Variants in THSD7B observed in about 807,000 individuals in gnomAD.
THSD7B encodes the protein thrombospondin type-1 domain-containing protein 7B.
In THSD7B, 138 loss-of-function variants were observed where a neutral mutation model predicts 213.6. The ratio of observed to expected loss-of-function variants is 0.65; its 90% CI spans 0.56 to 0.74. The LOEUF (loss-of-function observed/expected upper bound fraction) is 0.74, where lower values mean the gene tolerates loss of function less well. Ranked by LOEUF, THSD7B falls within the 30% of genes least tolerant of loss-of-function variation. THSD7B has a pLI of 0.00. For synonymous variants in THSD7B, 742 were observed against 687.0 expected (o/e 1.08, Z -1.25); for missense variants, 1,931 against 1,991.5 (o/e 0.97, Z 0.58).
chr2:137,074,336 G>A (rs1372284258), intron 3 of THSD7B, among the ~76,000 whole-genome samples: 2 of 152,086 alleles, frequency 1.3e-5, no homozygotes, highest in East Asian at 1.9e-4. Context: ...TTACCATTAT[G>A]TAATGGCCTT....
At chr2:137,178,693 T>A (rs1207213959) in intron 7 of THSD7B, among the ~76,000 whole-genome samples, 1 of 152,198 alleles carries the variant, frequency 6.6e-6, no homozygotes, top group Non-Finnish European at 1.5e-5. Flanking sequence ...TGGGAGTAGA[T>A]GTAAACTGGT....
At position 137,661,457 on chromosome 2, in the gene THSD7B, C is replaced by T. The variant is rs560339874; in HGVS notation, c.4458+1711C>T. On this transcript the variant is annotated intron_variant, in intron 25 of 27. Coordinates refer to ENST00000409968, the MANE Select transcript of THSD7B (RefSeq NM_001316349.2). The stretch of plus-strand genomic sequence containing the variant: ...CTTTTATCTCCCATGTAAGGCTGCC[C>T]TCCTTGAGTGCAGAAGTAAGCCTAC... Among the ~76,000 whole-genome samples the T allele has an allele frequency of 2.6e-5, 4 of 151,808 alleles. No individual in the cohort carries two copies. In the East Asian group the frequency reaches 7.8e-4, roughly 30 times the overall value.
intron 3 of THSD7B, among the ~76,000 whole-genome samples, chr2:137,059,860 A>G (rs1687238980): frequency 6.6e-6 from 1 of 152,170 alleles, no homozygotes. Context: ...TTTTGTGAAC[A>G]TAGGTTTTCA....
intron 4 of THSD7B, among the ~76,000 whole-genome samples, chr2:137,112,772 C>CAT (rs1553471777): frequency 6.0e-5 from 9 of 149,824 alleles, no homozygotes; most frequent in Non-Finnish European, 8.9e-5. Flanking sequence ...TGTTAATGTA[C>CAT]GTGTGTGTGT....
At chr2:137,252,058 G>A (rs958831672) in intron 10 of THSD7B, among the ~76,000 whole-genome samples, 3 of 152,034 alleles carry the variant, frequency 2.0e-5, no homozygotes, top group Non-Finnish European at 2.9e-5. Flanking sequence ...ATGAGGTCAG[G>A]AGTTCGAGAC....
At chr2:136,925,643 T>C (rs1226140633) in intron 2 of THSD7B, among the ~76,000 whole-genome samples, 3 of 152,230 alleles carry the variant, frequency 2.0e-5, no homozygotes, top group Non-Finnish European at 4.4e-5. Flanking sequence ...CTTTTCTTGC[T>C]GTGCCTTCGT....
intron 12 of THSD7B, among the ~76,000 whole-genome samples, chr2:137,373,792 G>A (rs922731197): frequency 1.3e-5 from 2 of 152,164 alleles, no homozygotes; most frequent in South Asian, 4.1e-4. Flanking sequence ...GTCCTGAATG[G>A]TAATGCCTAG....
At chr2:137,385,510 C>T (rs1373009138) in intron 12 of THSD7B, among the ~76,000 whole-genome samples, 2 of 152,214 alleles carry the variant, frequency 1.3e-5, no homozygotes, top group Non-Finnish European at 2.9e-5. Context: ...CACCTTGGAA[C>T]TTCTGCCCAG....
chr2:137,034,857 G>T (rs1011463394), intron 2 of THSD7B, among the ~76,000 whole-genome samples: 5 of 152,156 alleles, frequency 3.3e-5, no homozygotes, highest in African/African-American at 1.2e-4. Flanking sequence ...CGTTTGGGTT[G>T]GTTTCAAGTC....
At chr2:137,440,902 CAT>C (rs1350703865) in intron 14 of THSD7B, among the ~76,000 whole-genome samples, 1 of 152,046 alleles carries the variant, frequency 6.6e-6, no homozygotes, top group Non-Finnish European at 1.5e-5. Context: ...CCATGAGACA[CAT>C]AGAGAAATCT....
At chr2:137,376,406 T>G (rs1405841435) in intron 12 of THSD7B, among the ~76,000 whole-genome samples, 1 of 152,184 alleles carries the variant, frequency 6.6e-6, no homozygotes, top group Non-Finnish European at 1.5e-5. Context: ...TTAGGTGAAG[T>G]GCAGCAGGTG....
At chr2:137,033,779 A>AT (rs956281530) in intron 2 of THSD7B, among the ~76,000 whole-genome samples, 63 of 151,628 alleles carry the variant, frequency 4.2e-4, no homozygotes, top group South Asian at 4.2e-4. Context: ...CACCCAGCTA[A>AT]TTTTTTTTAA....
At chr2:137,286,966 G>A (rs538890854) in intron 12 of THSD7B, among the ~76,000 whole-genome samples, 1 of 152,244 alleles carries the variant, frequency 6.6e-6, no homozygotes, top group South Asian at 2.1e-4. Context: ...TATCAAGGTT[G>A]CTGATATAGG....
intron 6 of THSD7B, among the ~76,000 whole-genome samples, chr2:137,160,815 G>C (rs1339568480): frequency 6.6e-6 from 1 of 152,056 alleles, no homozygotes; most frequent in Non-Finnish European, 1.5e-5. Context: ...GTAGAGATGG[G>C]GTTTCACCAT....
chr2:137,137,159 G>T (rs560908514), intron 5 of THSD7B, among the ~76,000 whole-genome samples: 1 of 152,240 alleles, frequency 6.6e-6, no homozygotes, highest in South Asian at 2.1e-4. Flanking sequence ...GATCACTGAG[G>T]TGTAATTTAC....
At chr2:136,804,681 C>T (rs1682252875) in intron 1 of THSD7B, among the ~76,000 whole-genome samples, 5 of 152,056 alleles carry the variant, frequency 3.3e-5, no homozygotes. Flanking sequence ...GAGTATGGAT[C>T]CTCCTTCCTA....
At chr2:137,216,223 T>A (rs1043528273) in intron 7 of THSD7B, among the ~76,000 whole-genome samples, 53 of 151,832 alleles carry the variant, frequency 3.5e-4, no homozygotes, top group African/African-American at 1.3e-3. Context: ...CACATAAGTA[T>A]AAAAATTCTG....
chr2:137,487,285 G>A (rs1328007783), intron 15 of THSD7B, among the ~76,000 whole-genome samples: 3 of 141,174 alleles, frequency 2.1e-5, no homozygotes, highest in South Asian at 2.2e-4. Flanking sequence ...GGAGAATGGC[G>A]TGAACCCGGG....
At chr2:137,002,830 A>T (rs1180970733) in intron 2 of THSD7B, among the ~76,000 whole-genome samples, 2 of 152,120 alleles carry the variant, frequency 1.3e-5, no homozygotes, top group Non-Finnish European at 2.9e-5. Context: ...AATCATATTA[A>T]TTCTCCATTT....
Sources: gnomAD v4.1 joint callset for allele counts (sites outside exome capture counted in the v4.1 genomes callset) on GRCh38, gnomAD v4.1.1 for gene constraint, MANE v1.5 for transcripts, NCBI Gene and HGNC (gene_info 2026-07-23, HGNC 2026-07-21) for gene names.